Variants in TMPRSS12 observed in about 807,000 individuals in gnomAD.
TMPRSS12 encodes the protein transmembrane protease serine 12.
TMPRSS12 carries 25 observed loss-of-function variants against 26.0 expected under a neutral mutation model. The ratio of observed to expected loss-of-function variants is 0.96; its 90% CI spans 0.70 to 1.34. The LOEUF is 1.34. Among genes scored for constraint, TMPRSS12 ranks in the 40% most tolerant of loss-of-function variants. TMPRSS12 has a pLI of 0.00. For missense variants in TMPRSS12, 441 were observed against 440.1 expected (o/e 1.00, Z -0.02); for synonymous variants, 150 against 161.7 (o/e 0.93, Z 0.55).
At chr12:50,885,004 A>G (rs1938211249) in intron 3 of TMPRSS12, among the ~76,000 whole-genome samples, 1 of 152,168 alleles carries the variant, frequency 6.6e-6, no homozygotes, top group Non-Finnish European at 1.5e-5. Context: ...AGATCACGTC[A>G]CTGCACTCCA....
At chr12:50,885,039 A>G (rs1012346442) in intron 3 of TMPRSS12, among the ~76,000 whole-genome samples, 1 of 152,142 alleles carries the variant, frequency 6.6e-6, no homozygotes. Flanking sequence ...TCAAGACTCT[A>G]TCTCAAAAAC....
chr12:50,847,900 A>T (rs187515110), intron 2 of TMPRSS12: 42 of 149,902 alleles, frequency 2.8e-4, no homozygotes, highest in East Asian at 3.9e-4. Context: ...AAAGAGAAAA[A>T]ATATATATAT....
Position 50,878,972 on chromosome 12 carries a change from A to G in TMPRSS12, c.653-6274A>G, listed in dbSNP as rs184077598. Among the ~76,000 whole-genome samples the G allele has an allele frequency of 9.8e-5, 15 of 152,344 alleles. No homozygotes were observed. The East Asian group carries it at 2.7e-3, about 27-fold the overall frequency. On this transcript the variant is annotated intron_variant, in intron 3 of 4. Coordinates refer to ENST00000398458, the MANE Select transcript of TMPRSS12 (RefSeq NM_182559.3). ...CCTTGCCCTTCCACCACGTAAGGATACAGCTGGAAGTCACAACTTATGAAC... is the reference window on the plus strand; with the variant it reads ...CCTTGCCCTTCCACCACGTAAGGATGCAGCTGGAAGTCACAACTTATGAAC...
At chr12:50,850,506 G>A (rs1276766485) in intron 2 of TMPRSS12, among the ~76,000 whole-genome samples, 1 of 152,126 alleles carries the variant, frequency 6.6e-6, no homozygotes, top group Non-Finnish European at 1.5e-5. Flanking sequence ...CTTGAGCCTA[G>A]GGGGTTGACG....
intron 3 of TMPRSS12, among the ~76,000 whole-genome samples, chr12:50,879,796 C>T (rs948435313): frequency 1.3e-4 from 20 of 151,854 alleles, no homozygotes; most frequent in Admixed American, 7.9e-4. Flanking sequence ...GGCAAAACCC[C>T]GTCTCCACAA....
At chr12:50,846,097 C>G (rs1937763984) in intron 2 of TMPRSS12, among the ~76,000 whole-genome samples, 1 of 152,176 alleles carries the variant, frequency 6.6e-6, no homozygotes, top group Non-Finnish European at 1.5e-5. Flanking sequence ...CATCTTTTCA[C>G]TCTCGATATT....
At chr12:50,871,422 C>T (rs998336952) in intron 3 of TMPRSS12, among the ~76,000 whole-genome samples, 5 of 152,124 alleles carry the variant, frequency 3.3e-5, no homozygotes, top group African/African-American at 4.8e-5. Flanking sequence ...GGATTCTTGT[C>T]GCTCACTTTG....
At chr12:50,867,897 TAG>T (rs951820375) in intron 3 of TMPRSS12, among the ~76,000 whole-genome samples, 2 of 152,126 alleles carry the variant, frequency 1.3e-5, no homozygotes, top group African/African-American at 2.4e-5. Flanking sequence ...AAAGGAGAGA[TAG>T]AGTCTTTTTC....
chr12:50,854,501 A>C (rs1461070612), intron 2 of TMPRSS12, among the ~76,000 whole-genome samples: 1 of 152,160 alleles, frequency 6.6e-6, no homozygotes, highest in Non-Finnish European at 1.5e-5. Context: ...TCCAAATAGG[A>C]AGAGAGGAAG....
intron 3 of TMPRSS12, among the ~76,000 whole-genome samples, chr12:50,878,205 A>AAG (rs1315902828): frequency 6.6e-6 from 1 of 151,858 alleles, no homozygotes; most frequent in Non-Finnish European, 1.5e-5. Context: ...TTGGGGAAAA[A>AAG]AAAAAAAAAA....
chr12:50,847,240 G>C (rs992255648), intron 2 of TMPRSS12, among the ~76,000 whole-genome samples: 15 of 151,814 alleles, frequency 9.9e-5, no homozygotes, highest in African/African-American at 3.6e-4. Flanking sequence ...TGTATTTTTA[G>C]TAGAGACGGG....
chr12:50,865,128 T>G (rs1937979003), intron 3 of TMPRSS12, among the ~76,000 whole-genome samples: 1 of 152,094 alleles, frequency 6.6e-6, no homozygotes, highest in African/African-American at 2.4e-5. Flanking sequence ...GACCAGGAGT[T>G]TGAGACCAGC....
At chr12:50,863,373 A>G (rs1937956855) in intron 3 of TMPRSS12, among the ~76,000 whole-genome samples, 1 of 152,154 alleles carries the variant, frequency 6.6e-6, no homozygotes, top group Non-Finnish European at 1.5e-5. Flanking sequence ...TTTCTTAAAA[A>G]CATACATGTG....
chr12:50,879,614 AAAG>A (rs1196618923), intron 3 of TMPRSS12, among the ~76,000 whole-genome samples: 1 of 152,212 alleles, frequency 6.6e-6, no homozygotes, highest in African/African-American at 2.4e-5. Context: ...TCTGACTAGA[AAAG>A]AAGGCTGAAA....
chr12:50,864,802 C>T (rs566721272), intron 3 of TMPRSS12, among the ~76,000 whole-genome samples: 13 of 152,042 alleles, frequency 8.6e-5, no homozygotes, highest in East Asian at 5.9e-4. Flanking sequence ...GGACTACAGG[C>T]GCCCACCACC....
Position 50,872,144 on chromosome 12 carries a change from G to A in TMPRSS12, c.652+13091G>A, listed in dbSNP as rs889387505. Among the ~76,000 whole-genome samples, 10 of 152,256 alleles carry A rather than the reference G, an allele frequency of 6.6e-5. No individual in the cohort carries two copies. In the East Asian group the frequency reaches 7.7e-4, roughly 12 times the overall value. ...ATTCAAAAAAGAAACTTGCACACGC[G>A]TGTTTATAGCAGCACAATTCGCAAT... is the stretch of plus-strand genomic sequence containing the variant. On this transcript the variant is annotated intron_variant, in intron 3 of 4. Transcript: ENST00000398458.
At chr12:50,849,191 G>C (rs185276376) in intron 2 of TMPRSS12, among the ~76,000 whole-genome samples, 1 of 152,258 alleles carries the variant, frequency 6.6e-6, no homozygotes, top group East Asian at 1.9e-4. Context: ...AAGGGAAAGA[G>C]GATACTGTTT....
At chr12:50,873,335 GA>G (rs1166055606) in intron 3 of TMPRSS12, among the ~76,000 whole-genome samples, 1 of 151,770 alleles carries the variant, frequency 6.6e-6, no homozygotes, top group Non-Finnish European at 1.5e-5. Context: ...ATAACCTATG[GA>G]AAAATAAATA....
At chr12:50,881,280 G>A (rs2139737426) in intron 3 of TMPRSS12, among the ~76,000 whole-genome samples, 1 of 152,236 alleles carries the variant, frequency 6.6e-6, no homozygotes, top group South Asian at 2.1e-4. Context: ...ACTGAGCCCA[G>A]CCCATCAGTC....
Sources: allele counts gnomAD v4.1 joint callset (sites outside exome capture counted in the v4.1 genomes callset), GRCh38; gene constraint gnomAD v4.1.1; transcripts MANE v1.5; gene names NCBI Gene and HGNC (gene_info 2026-07-23, HGNC 2026-07-21).